Variants in WDSUB1 observed in about 807,000 individuals in gnomAD.
WDSUB1 encodes the protein WD repeat, SAM and U-box domain-containing protein 1.
In WDSUB1, 49 loss-of-function variants were observed where a neutral mutation model predicts 53.9. The ratio of observed to expected loss-of-function variants is 0.91; its 90% CI spans 0.72 to 1.15. WDSUB1 has a LOEUF of 1.15. Among genes scored for constraint, WDSUB1 ranks in the 50% most tolerant of loss-of-function variants. The pLI, the probability that WDSUB1 is intolerant of heterozygous loss-of-function variation, is 0.00. For missense variants in WDSUB1, 514 were observed against 562.0 expected, an observed-to-expected ratio of 0.91 and a Z score of 0.86; for synonymous variants, 194 against 200.6, an observed-to-expected ratio of 0.97 and a Z score of 0.28.
At chr2:159,247,902 T>TATAA (rs1212814863) in intron 10 of WDSUB1, among the ~76,000 whole-genome samples, 1 of 18,564 alleles carries the variant, frequency 5.4e-5, no homozygotes, top group Non-Finnish European at 1.3e-4. Context: ...TATATATATA[T>TATAA]ATATATAAAT....
Position 159,257,842 on chromosome 2 carries a change from C to T in WDSUB1, c.868G>A (p.Ala290Thr). The T allele has an allele frequency of 6.2e-7, 1 of 1,614,068 alleles. No individual in the cohort carries two copies. The highest frequency in any genetic ancestry group is 8.5e-7 in the Non-Finnish European group (1 of 1,179,982). The change falls in exon 8 of 11, where the codon GCA becomes ACA. Residue 290 changes from alanine (A) to threonine (T), a missense_variant. Ala to Thr is a moderately conservative substitution (Grantham distance 58). Transcript: ENST00000359774. ...HTRYVTTCAF[A>T]PNTLLLATGS... is the part of the protein sequence containing the mutation. Reference sequence around the variant, plus strand: ...GTAGCAAGTAAAAGGGTATTAGGTGCAAAAGCACAAGTTGTGACATACCTA... The same window carrying T: ...GTAGCAAGTAAAAGGGTATTAGGTGTAAAAGCACAAGTTGTGACATACCTA...
At chr2:159,250,088 CAA>C (rs374038625) in intron 9 of WDSUB1, among the ~76,000 whole-genome samples, 29 of 83,506 alleles carry the variant, frequency 3.5e-4, no homozygotes, top group Admixed American at 1.8e-3. Flanking sequence ...GACTCTGCCT[CAA>C]AAAAAAAAAA....
chr2:159,286,315 G>A (rs1319957296), intron 1 of WDSUB1: 11 of 152,530 alleles, frequency 7.2e-5, no homozygotes. Context: ...TCTGTGGACT[G>A]AGCGACCCCA....
Position 159,255,468 on chromosome 2 carries a change from AAAAT to A in WDSUB1, c.1132+724_1132+727del, listed in dbSNP as rs537644210. ...GGTGACAGAGCGAGACTCCATCTCA[AAAAT>A]AAATAAATAAAATAAATTAAATTAA... is the stretch of plus-strand genomic sequence containing the variant. On this transcript the variant is annotated intron_variant, in intron 9 of 10. Transcript: ENST00000359774. Among the ~76,000 whole-genome samples the A allele has an allele frequency of 1.2e-3, 183 of 151,276 alleles. 1 individual carries two copies. The highest frequency in any genetic ancestry group is 4.2e-3 in the African/African-American group (171 of 40,784).
intron 5 of WDSUB1, among the ~76,000 whole-genome samples, chr2:159,262,701 CAGA>C (rs2061252486): frequency 6.6e-6 from 1 of 152,164 alleles, no homozygotes; most frequent in African/African-American, 2.4e-5. Flanking sequence ...GGAAAAATAA[CAGA>C]AGTTTTCAAT....
chr2:159,237,631 C>T (rs2060518992), intron 10 of WDSUB1, among the ~76,000 whole-genome samples: 1 of 152,146 alleles, frequency 6.6e-6, no homozygotes, highest in African/African-American at 2.4e-5. Flanking sequence ...ATGTGTAATC[C>T]ATTTTCAAAT....
In WDSUB1 at chr2:159,282,590, G is replaced by A. The variant is rs2061689197; in HGVS notation, c.398+82C>T. 7 of 1,466,584 alleles carry A rather than the reference G, an allele frequency of 4.8e-6. No homozygotes were observed. The South Asian group carries it at 5.2e-5, about 11-fold the overall frequency. The allele number at this position is 1,466,584 out of a possible 1,614,324, so 90.8% of individuals were successfully genotyped here. On this transcript the variant is annotated intron_variant, in intron 2 of 10. Coordinates refer to ENST00000359774, the MANE Select transcript of WDSUB1 (RefSeq NM_001128212.3). ...TTCTACATCACTTAGACTGTGCAGAGTATCAAAATATTTTGCTTTCAGTTT... is the reference window on the plus strand; with the variant it reads ...TTCTACATCACTTAGACTGTGCAGAATATCAAAATATTTTGCTTTCAGTTT...
At position 159,236,210 on chromosome 2, in the gene WDSUB1, CA is replaced by C; in HGVS notation, c.1274-21del. 1 of 1,583,182 alleles carries C rather than the reference CA, an allele frequency of 6.3e-7. No homozygotes were observed. Among genetic ancestry groups the C allele is most frequent in the South Asian group, 1.2e-5 (1 of 86,324 alleles). On this transcript the variant is annotated intron_variant, in intron 10 of 10. Transcript: ENST00000359774. ...AGCCATCTAAAAAAAAAAAATCACA[CA>C]AATTACATGATGTAGGAAAGGGAAA...
chr2:159,244,953 T>G (rs2060757491), intron 10 of WDSUB1, among the ~76,000 whole-genome samples: 1 of 152,138 alleles, frequency 6.6e-6, no homozygotes, highest in African/African-American at 2.4e-5. Flanking sequence ...TTTAAACATT[T>G]TTTTAAAATA....
intron 4 of WDSUB1, among the ~76,000 whole-genome samples, chr2:159,273,358 C>G (rs2061479669): frequency 6.6e-6 from 1 of 152,138 alleles, no homozygotes; most frequent in Non-Finnish European, 1.5e-5. Context: ...TCTCTCTACT[C>G]CTCCCTACAA....
Position 159,248,517 on chromosome 2 carries a change from A to G in WDSUB1, c.1133-5T>C. ...TACTACGCAGTCCTAGAGATTCTGA[A>G]AAGAAATTACTGTTAGGGCTGGATA... On this transcript the variant is annotated splice_polypyrimidine_tract_variant and splice_region_variant and intron_variant, in intron 9 of 10. Coordinates refer to ENST00000359774, the MANE Select transcript of WDSUB1 (RefSeq NM_001128212.3). The G allele has an allele frequency of 6.7e-7, 1 of 1,493,590 alleles. No homozygotes were observed. The highest frequency in any genetic ancestry group is 8.9e-7 in the Non-Finnish European group (1 of 1,128,270). 92.5% of individuals were successfully genotyped at this position (1,493,590 alleles called of 1,614,324 possible).
intron 5 of WDSUB1, among the ~76,000 whole-genome samples, chr2:159,267,463 G>A (rs1347258228): frequency 6.6e-6 from 1 of 152,012 alleles, no homozygotes; most frequent in Non-Finnish European, 1.5e-5. Context: ...CCTATGCCCA[G>A]CTAATTTCTT....
intron 3 of WDSUB1, among the ~76,000 whole-genome samples, chr2:159,278,302 A>G (rs2151145708): frequency 6.6e-6 from 1 of 152,322 alleles, no homozygotes; most frequent in Non-Finnish European, 1.5e-5. Flanking sequence ...TAACGTAAGA[A>G]TGGGTTTATG....
intron 8 of WDSUB1, 101 bp from the exon 9 acceptor site, chr2:159,256,476 GT>G: frequency 7.9e-7 from 1 of 1,263,218 alleles, no homozygotes; most frequent in Non-Finnish European, 1.1e-6. Context: ...TTAAATCTGT[GT>G]TTTATAGCTA....
Position 159,236,198 on chromosome 2 carries a change from A to G in WDSUB1, c.1274-8T>C. The G allele has an allele frequency of 6.3e-7, 1 of 1,591,636 alleles. No individual in the cohort carries two copies. Among genetic ancestry groups the G allele is most frequent in the Non-Finnish European group, 8.5e-7 (1 of 1,172,426 alleles). The stretch of plus-strand genomic sequence containing the variant: ...TTTCATATGAATAGCCATCTAAAAA[A>G]AAAAAATCACACAAATTACATGATG... On this transcript the variant is annotated splice_region_variant and splice_polypyrimidine_tract_variant and intron_variant, in intron 10 of 10. Coordinates refer to ENST00000359774, the MANE Select transcript of WDSUB1 (RefSeq NM_001128212.3).
intron 5 of WDSUB1, among the ~76,000 whole-genome samples, chr2:159,268,094 G>A (rs1256765521): frequency 1.3e-5 from 2 of 152,126 alleles, no homozygotes; most frequent in Non-Finnish European, 2.9e-5. Context: ...GCTATAAAAT[G>A]AACTTAACAC....
Position 159,282,890 on chromosome 2 carries a change from G to C in WDSUB1, c.180C>G (p.Cys60Trp), listed in dbSNP as rs568446725. The change falls in exon 2 of 11, where the codon TGC becomes TGG. Residue 60 changes from cysteine (C) to tryptophan (W), a missense_variant. Physicochemically the swap from Cys to Trp is radical, Grantham distance 215. Coordinates refer to ENST00000359774, the MANE Select transcript of WDSUB1 (RefSeq NM_001128212.3). Reference protein sequence around the residue: ...LKFHTYAVHCCCFSPSGHILA... With the variant: ...LKFHTYAVHCWCFSPSGHILA... ...AAATATGTCCTGAAGGGGAGAAACA[G>C]CAGCAGTGGACAGCATAGGTATGAA... 6.2e-7 allele frequency: 1 copy of C among 1,614,198 alleles called. No individual in the cohort carries two copies. The highest frequency in any genetic ancestry group is 8.5e-7 in the Non-Finnish European group (1 of 1,180,046).
chr2:159,273,688 G>A (rs2061485934), intron 4 of WDSUB1, among the ~76,000 whole-genome samples: 1 of 152,144 alleles, frequency 6.6e-6, no homozygotes, highest in South Asian at 2.1e-4. Context: ...CCAAAGTGCT[G>A]GGATTACAGG....
intron 4 of WDSUB1, among the ~76,000 whole-genome samples, chr2:159,272,425 G>C (rs1174315320): frequency 6.6e-6 from 1 of 152,170 alleles, no homozygotes; most frequent in African/African-American, 2.4e-5. Context: ...CCTCCAGAGA[G>C]CTGCACATTG....
Sources: gnomAD v4.1 joint callset for allele counts (sites outside exome capture counted in the v4.1 genomes callset) on GRCh38, gnomAD v4.1.1 for gene constraint, MANE v1.5 for transcripts, NCBI Gene and HGNC (gene_info 2026-07-23, HGNC 2026-07-21) for gene names.